The following XPO6 variants were observed in gnomAD, a reference collection of about 807,000 sequenced individuals.
XPO6 encodes the protein exportin 6.
Under a neutral mutation model 130.0 loss-of-function variants are expected in XPO6, and 3 were observed. The ratio of observed to expected loss-of-function variants is 0.02; its 90% CI spans 0.01 to 0.06. XPO6 has a LOEUF of 0.06. Ranked by LOEUF, XPO6 falls within the 10% of genes least tolerant of loss-of-function variation. The pLI, the probability that XPO6 is intolerant of heterozygous loss-of-function variation, is 1.00. For missense variants in XPO6, 970 were observed against 1,393.0 expected, an observed-to-expected ratio of 0.70 and a Z score of 4.83; for synonymous variants, 524 against 548.9, an observed-to-expected ratio of 0.95 and a Z score of 0.63.
At chr16:28,210,353 A>C (rs958261140) in intron 1 of XPO6, among the ~76,000 whole-genome samples, 1 of 152,154 alleles carries the variant, frequency 6.6e-6, no homozygotes, top group African/African-American at 2.4e-5. Flanking sequence ...CTAACTTGGC[A>C]GGGGTAAAAT....
chr16:28,191,589 T>C (rs1412815579), intron 1 of XPO6, among the ~76,000 whole-genome samples: 2 of 152,052 alleles, frequency 1.3e-5, no homozygotes, highest in African/African-American at 4.8e-5. Flanking sequence ...ATGAGGAAAA[T>C]GAAGCTGAGA....
chr16:28,133,929 T>A lies in XPO6; in HGVS notation c.1448A>T (p.Gln483Leu). The A allele has an allele frequency of 6.2e-7, 1 of 1,614,042 alleles. No homozygotes were observed. Among genetic ancestry groups the A allele is most frequent in the Non-Finnish European group, 8.5e-7 (1 of 1,179,994 alleles). The stretch of plus-strand genomic sequence containing the variant: ...CCGTAAGTACCGCTGCCACTCCGTC[T>A]GCTGCTGTAGGGGAAGCACAGGAGA... The part of the protein sequence containing the change: ...LDDETLDDDQ[Q>L]TEWQRYLRQS... The change falls in exon 11 of 24, where the codon CAG (glutamine) becomes CTG (leucine). Residue 483 changes from glutamine (Q) to leucine (L), a missense_variant. Around this residue, in one of 4 missense-constraint regions of XPO6, gnomAD observed 936 missense variants for 1,306.8 expected, o/e 0.72. Transcript: ENST00000304658.
At position 28,156,445 on chromosome 16, in the gene XPO6, A is replaced by G. The variant is rs1262477142; in HGVS notation, c.726T>C (p.Ser242=). ...NQPIPILDVE[S]EYICSLALEC... is the part of the protein sequence containing the mutation. ...CCAAAGCCAGGGAACAGATATACTC[A>G]CTCTCCACATCAAGGATGGGAATTG... The change falls in exon 7 of 24, where the codon AGT becomes AGC. Residue 242 remains serine, a synonymous_variant. Transcript: ENST00000304658. The G allele has an allele frequency of 6.2e-7, 1 of 1,612,148 alleles. No individual in the cohort carries two copies. Among genetic ancestry groups the G allele is most frequent in the Non-Finnish European group, 8.5e-7 (1 of 1,178,768 alleles).
chr16:28,178,551 G>T (rs1179996156), intron 2 of XPO6, among the ~76,000 whole-genome samples: 2 of 151,724 alleles, frequency 1.3e-5, no homozygotes, highest in Admixed American at 1.3e-4. Flanking sequence ...TCAGCCACCT[G>T]AATAGCTAGG....
In XPO6 at chr16:28,098,583, G is replaced by A; in HGVS notation, c.3333C>T (p.Tyr1111=). Residue 1111 remains tyrosine, a synonymous_variant, in exon 24 of 24, where the codon TAC becomes TAT. Transcript: ENST00000304658. The part of the protein sequence containing the change: ...VHRLVNDLRY[Y]RLCNDSLPPG... The stretch of plus-strand genomic sequence containing the variant: ...GGGGCAGGCTGTCGTTGCAGAGTCT[G>A]TAGTAGCGCAGGTCGTTGACCAGCC... 6.2e-7 allele frequency: 1 copy of A among 1,613,204 alleles called. No individual in the cohort carries two copies. The highest frequency in any genetic ancestry group is 1.3e-5 in the African/African-American group (1 of 75,034).
In XPO6 at chr16:28,152,674, C is replaced by T; in HGVS notation, c.1209G>A (p.Lys403=). The T allele has an allele frequency of 6.2e-7, 1 of 1,612,042 alleles. No individual in the cohort carries two copies. Among genetic ancestry groups the T allele is most frequent in the Non-Finnish European group, 8.5e-7 (1 of 1,179,536 alleles). ...GGTGCTTTACCTGATGAAATGTGTA[C>T]TTGAACAAAAGTGTCAAAAACTCCA... ...PVVEFLTLLF[K]YTFHQPTHEG... is the part of the protein sequence containing the mutation. Residue 403 remains lysine, a synonymous_variant, in exon 8 of 24, where the codon AAG becomes AAA. Transcript: ENST00000304658.
intron 21 of XPO6, among the ~76,000 whole-genome samples, chr16:28,103,602 TG>T (rs1402946231): frequency 6.6e-6 from 1 of 152,134 alleles, no homozygotes; most frequent in African/African-American, 2.4e-5. Flanking sequence ...CAGCCCTCAG[TG>T]GGGACCAGGC....
In XPO6 at chr16:28,101,534, G is replaced by A. The variant is rs1185742602; in HGVS notation, c.3200C>T (p.Pro1067Leu). The change falls in exon 23 of 24, where the codon CCA becomes CTA. Residue 1067 changes from proline (P) to leucine (L), a missense_variant. By Grantham distance (98) the Pro-to-Leu change is moderately conservative. Coordinates refer to ENST00000304658, the MANE Select transcript of XPO6 (RefSeq NM_015171.4). This position sits in a 1 kb window ranked among gnomAD's most constrained non-coding sequence, Gnocchi z 5.4. Reference sequence around the variant, plus strand: ...ACCATCACAGCTGGTCAGGAACTCTGGGAGGAAGGCGGCAAAGAAGCCATC... The same window carrying A: ...ACCATCACAGCTGGTCAGGAACTCTAGGAGGAAGGCGGCAAAGAAGCCATC... Reference protein sequence around the residue: ...DFDGFFAAFLPEFLTSCDGVD... With the variant: ...DFDGFFAAFLLEFLTSCDGVD... 5.0e-6 allele frequency: 8 copies of A among 1,614,140 alleles called. No individual in the cohort carries two copies. The highest frequency in any genetic ancestry group is 6.8e-6 in the Non-Finnish European group (8 of 1,180,052).
rs548374151 is a variant in XPO6, at chr16:28,159,003, G to A, written c.644-2476C>T. On this transcript the variant is annotated intron_variant, in intron 6 of 23. Coordinates refer to ENST00000304658, the MANE Select transcript of XPO6 (RefSeq NM_015171.4). ...CCAGCATTTCGGTAGGCTGAGGCGG[G>A]CAGATCACTTGAGCCCAGGAGTTCA... Among the ~76,000 whole-genome samples, 4 of 152,236 alleles carry A rather than the reference G, an allele frequency of 2.6e-5. No individual in the cohort carries two copies. The East Asian group carries it at 7.7e-4, about 29-fold the overall frequency.
In XPO6 at chr16:28,111,879, C is replaced by T. The variant is rs754229185; in HGVS notation, c.2279G>A (p.Arg760Gln). ...NHASLISALS[R>Q]DYRNLKPSAV... is the part of the protein sequence containing the mutation. The stretch of plus-strand genomic sequence containing the variant: ...ACTGGGCTTCAGGTTGCGATAGTCC[C>T]GGGAGAGTGCAGAGATGAGGCTGGC... The change falls in exon 17 of 24, where the codon CGG becomes CAG. Residue 760 changes from arginine to glutamine, a missense_variant. This residue lies in a region of XPO6 where 936 missense variants were observed against 1,306.8 expected (regional missense o/e 0.72). Coordinates refer to ENST00000304658, the MANE Select transcript of XPO6 (RefSeq NM_015171.4). 8 of 1,614,126 alleles carry T rather than the reference C, an allele frequency of 5.0e-6. No homozygotes were observed. Among genetic ancestry groups the T allele is most frequent in the Admixed American group, 1.7e-5 (1 of 60,022 alleles).
intron 1 of XPO6, among the ~76,000 whole-genome samples, chr16:28,210,130 A>G (rs988565036): frequency 1.3e-5 from 2 of 152,204 alleles, no homozygotes; most frequent in African/African-American, 4.8e-5. Flanking sequence ...CCCTGTCTCA[A>G]AACAAATAAA....
At chr16:28,119,396 AAGAGG>A (rs1259111937) in intron 14 of XPO6, among the ~76,000 whole-genome samples, 3 of 152,222 alleles carry the variant, frequency 2.0e-5, no homozygotes, top group African/African-American at 7.2e-5. Context: ...GACATGATGC[AAGAGG>A]AAAGGCACAT....
At chr16:28,180,194 T>C (rs986494443) in intron 2 of XPO6, among the ~76,000 whole-genome samples, 3 of 151,990 alleles carry the variant, frequency 2.0e-5, no homozygotes, top group Admixed American at 1.3e-4. Flanking sequence ...TGAAACCCCG[T>C]CTCTACTAAA....
chr16:28,106,638 A>C lies in XPO6; in HGVS notation c.2498-141T>G. On this transcript the variant is annotated intron_variant, in intron 18 of 23. Coordinates refer to ENST00000304658, the MANE Select transcript of XPO6 (RefSeq NM_015171.4). This position sits in a 1 kb window ranked among gnomAD's most constrained non-coding sequence, Gnocchi z 4.2. ...CTGGAAACATTTCCCCAACACCATC[A>C]GGGCCAATGATGGAAAGTGGAAAAC... 1 of 660,296 alleles carries C rather than the reference A, an allele frequency of 1.5e-6. No individual in the cohort carries two copies. The highest frequency in any genetic ancestry group is 2.6e-6 in the Non-Finnish European group (1 of 381,374). 40.9% of individuals were successfully genotyped at this position (660,296 alleles called of 1,614,324 possible).
chr16:28,134,069 G>T, intron 10 of XPO6, 136 bp from the exon 11 acceptor site: 2 of 773,572 alleles, frequency 2.6e-6, no homozygotes, highest in Non-Finnish European at 4.1e-6. Context: ...CTATAAAAAG[G>T]CCAAGCTAGA....
intron 15 of XPO6, among the ~76,000 whole-genome samples, chr16:28,115,187 A>G (rs553902082): frequency 1.9e-4 from 29 of 152,192 alleles, no homozygotes; most frequent in Admixed American, 1.7e-3. Flanking sequence ...CTTTAATGGC[A>G]TCTAGAATGG....
At chr16:28,177,472 G>C (rs1420040102) in intron 2 of XPO6, 140 bp from the exon 3 acceptor site, 8 of 532,838 alleles carry the variant, frequency 1.5e-5, no homozygotes, top group Non-Finnish European at 2.4e-5. Context: ...CTTTAAGATA[G>C]AAAGAATAAA....
chr16:28,205,115 T>A (rs779276406), intron 1 of XPO6, among the ~76,000 whole-genome samples: 2 of 152,034 alleles, frequency 1.3e-5, no homozygotes, highest in Non-Finnish European at 2.9e-5. Flanking sequence ...TACAGGCCAC[T>A]CCTTCCTGGG....
chr16:28,131,646 AC>A (rs1337091741), intron 12 of XPO6, among the ~76,000 whole-genome samples: 6 of 152,232 alleles, frequency 3.9e-5, no homozygotes, highest in Non-Finnish European at 8.8e-5. Flanking sequence ...GGGTAAATTA[AC>A]ATCTCTGAAC....
Sources: allele counts gnomAD v4.1 joint callset (sites outside exome capture counted in the v4.1 genomes callset), GRCh38; gene constraint gnomAD v4.1.1; regional missense constraint gnomAD v4.1.1; non-coding constraint Gnocchi (gnomAD v3.1); transcripts MANE v1.5; gene names NCBI Gene and HGNC (gene_info 2026-07-23, HGNC 2026-07-21).